IFFO2: variants seen among roughly 807,000 people sequenced by gnomAD.
IFFO2 encodes intermediate filament family orphan 2.
In IFFO2, 19 loss-of-function variants were observed where a neutral mutation model predicts 53.5. The observed-to-expected ratio is 0.36, with a 90% CI of 0.25 to 0.52. IFFO2 has a LOEUF of 0.52. Among genes scored for constraint, IFFO2 ranks in the 20% least tolerant of loss-of-function variants. The pLI is 0.94. For synonymous variants in IFFO2, 303 were observed against 313.6 expected (o/e 0.97, Z 0.36); for missense variants, 570 against 727.4 (o/e 0.78, Z 2.49).
At chr1:18,938,773 A>G (rs1368666942) in intron 1 of IFFO2, among the ~76,000 whole-genome samples, 1 of 52,198 alleles carries the variant, frequency 1.9e-5, no homozygotes, top group Non-Finnish European at 4.0e-5. Context: ...GCCCCTCCCA[A>G]CTGGCCTGGC....
Position 18,919,663 on chromosome 1 carries a change from G to C in IFFO2, c.822+15C>G, listed in dbSNP as rs577047463. On this transcript the variant is annotated intron_variant, in intron 3 of 8. Transcript: ENST00000455833. This position sits in a 1 kb window ranked among gnomAD's most constrained non-coding sequence, Gnocchi z 4.9. ...GGGGAGGTCATGACACCCAGGGGCG[G>C]CGGGCGGCACTTACGTCACTCATAA... 6.5e-7 allele frequency: 1 copy of C among 1,539,292 alleles called. No individual in the cohort carries two copies. The highest frequency in any genetic ancestry group is 2.4e-5 in the East Asian group (1 of 40,852).
At chr1:18,911,315 T>A in intron 7 of IFFO2, 69 bp downstream of exon 7, 1 of 775,500 alleles carries the variant, frequency 1.3e-6, no homozygotes. Context: ...GGGTGTTTGA[T>A]CGCCAGGATC....
intron 1 of IFFO2, among the ~76,000 whole-genome samples, chr1:18,951,046 T>C (rs1936653752): frequency 6.6e-6 from 1 of 152,204 alleles, no homozygotes; most frequent in Non-Finnish European, 1.5e-5. Flanking sequence ...TCTGTCCAGC[T>C]CAGCACTGAG....
intron 1 of IFFO2, among the ~76,000 whole-genome samples, chr1:18,921,444 C>T (rs1486971904): frequency 1.3e-5 from 2 of 152,250 alleles, no homozygotes; most frequent in Non-Finnish European, 2.9e-5. Flanking sequence ...TGTGCAAGCA[C>T]TGCTGCTCCT....
chr1:18,955,555 G>T, intron 1 of IFFO2, 113 bp downstream of exon 1: 1 of 1,386,916 alleles, frequency 7.2e-7, no homozygotes, highest in Non-Finnish European at 9.4e-7. Context: ...ACAGCTTCCA[G>T]CCCACCTGCC....
intron 1 of IFFO2, among the ~76,000 whole-genome samples, chr1:18,948,185 T>C (rs2024728): frequency 0.79 from 120,564 of 152,220 alleles, 48,876 homozygotes; most frequent in East Asian, 0.94. Context: ...TATTTTCAAA[T>C]CCTTTTGCAA....
chr1:18,940,111 G>C (rs114151258), intron 1 of IFFO2, among the ~76,000 whole-genome samples: 1,601 of 152,328 alleles, frequency 0.011, 34 homozygotes, highest in African/African-American at 0.036. Flanking sequence ...CTTGGCCCCA[G>C]TCTGGGGCCT....
chr1:18,911,678 AC>A (rs1367385689), intron 6 of IFFO2, among the ~76,000 whole-genome samples: 1 of 152,070 alleles, frequency 6.6e-6, no homozygotes, highest in Non-Finnish European at 1.5e-5. Flanking sequence ...AGCTGGGATT[AC>A]AGGTGCCCAC....
chr1:18,935,298 ACTT>A (rs1202990736), intron 1 of IFFO2, among the ~76,000 whole-genome samples: 1 of 152,164 alleles, frequency 6.6e-6, no homozygotes, highest in African/African-American at 2.4e-5. Flanking sequence ...TGGGCCAGAC[ACTT>A]CTTCTCCAAA....
rs765222967 is a variant in IFFO2, at chr1:18,928,391, A to C, written c.666-7270T>G. On this transcript the variant is annotated intron_variant, in intron 1 of 8. Coordinates refer to ENST00000455833, the MANE Select transcript of IFFO2 (RefSeq NM_001136265.2). The surrounding 1 kb of genome is among the most constrained non-coding windows in gnomAD (Gnocchi z 4.9). ...GTCTCCACGGAGGAGGTATTAATTT[A>C]ATGTGAACACTTAACCAGGGCAGCC... Among the ~76,000 whole-genome samples, 1 of 152,236 alleles carries C rather than the reference A, an allele frequency of 6.6e-6. No individual in the cohort carries two copies. The highest frequency in any genetic ancestry group is 1.5e-5 in the Non-Finnish European group (1 of 68,044).
In IFFO2 at chr1:18,916,768, G is replaced by A; in HGVS notation, c.1103+135C>T. ...AGCCTGGGTGACAAAGTGAGACCCT[G>A]TCTCAAAAAAAAAAAGGAAATGAAT... On this transcript the variant is annotated intron_variant, in intron 5 of 8. Coordinates refer to ENST00000455833, the MANE Select transcript of IFFO2 (RefSeq NM_001136265.2). This position sits in a 1 kb window ranked among gnomAD's most constrained non-coding sequence, Gnocchi z 4.3. The A allele has an allele frequency of 1.6e-5, 18 of 1,151,290 alleles. No homozygotes were observed. Among genetic ancestry groups the A allele is most frequent in the East Asian group, 2.6e-5 (1 of 38,072 alleles). The allele number at this position is 1,151,290 out of a possible 1,614,324, so 71.3% of individuals were successfully genotyped here.
In IFFO2 at chr1:18,918,317, T is replaced by C; in HGVS notation, c.963+45A>G. 6.5e-7 allele frequency: 1 copy of C among 1,537,928 alleles called. No homozygotes were observed. Among genetic ancestry groups the C allele is most frequent in the Non-Finnish European group, 8.8e-7 (1 of 1,136,022 alleles). On this transcript the variant is annotated intron_variant, in intron 4 of 8. Coordinates refer to ENST00000455833, the MANE Select transcript of IFFO2 (RefSeq NM_001136265.2). This position sits in a 1 kb window ranked among gnomAD's most constrained non-coding sequence, Gnocchi z 5.2. ...GCAGGGGTGGAGGCCAGGGCTGCTCTGGGAGAGTGGGGGGTTGGCTGGTGA... is the reference window on the plus strand; with the variant it reads ...GCAGGGGTGGAGGCCAGGGCTGCTCCGGGAGAGTGGGGGGTTGGCTGGTGA...
At chr1:18,954,475 G>A (rs778342050) in intron 1 of IFFO2, among the ~76,000 whole-genome samples, 6 of 152,196 alleles carry the variant, frequency 3.9e-5, no homozygotes, top group Non-Finnish European at 8.8e-5. Flanking sequence ...CCAGCTCCCT[G>A]GACAGACCTT....
chr1:18,911,021 G>A (rs770542544), intron 7 of IFFO2, among the ~76,000 whole-genome samples: 4 of 152,238 alleles, frequency 2.6e-5, no homozygotes, highest in Non-Finnish European at 5.9e-5. Flanking sequence ...CTCCTCCTCT[G>A]TAAAAGGGGT....
intron 6 of IFFO2, 134 bp from the exon 7 acceptor site, chr1:18,911,610 C>T: frequency 2.5e-6 from 1 of 407,214 alleles, no homozygotes; most frequent in Non-Finnish European, 4.0e-6. Flanking sequence ...ATGATCTCGG[C>T]TCACTACAAC....
chr1:18,950,477 G>C (rs758972520), intron 1 of IFFO2, among the ~76,000 whole-genome samples: 2 of 152,176 alleles, frequency 1.3e-5, no homozygotes, highest in Non-Finnish European at 2.9e-5. Flanking sequence ...CTCTTTTACA[G>C]AGGACGAAGC....
intron 5 of IFFO2, among the ~76,000 whole-genome samples, chr1:18,914,841 G>C (rs1245607148): frequency 7.8e-6 from 1 of 128,180 alleles, no homozygotes; most frequent in Admixed American, 7.5e-5. Flanking sequence ...AAAAAAAAAA[G>C]CCCCTCTTGG....
chr1:18,919,812 G>C lies in IFFO2; in HGVS notation c.727-39C>G. ...GATGGGGAGGCTTCAGAGGGGCCGG[G>C]TCCTCTGGGGATAGGAGGGTCTGGA... On this transcript the variant is annotated intron_variant, in intron 2 of 8. Coordinates refer to ENST00000455833, the MANE Select transcript of IFFO2 (RefSeq NM_001136265.2). This position sits in a 1 kb window ranked among gnomAD's most constrained non-coding sequence, Gnocchi z 4.9. 7.1e-7 allele frequency: 1 copy of C among 1,400,778 alleles called. No homozygotes were observed. The highest frequency in any genetic ancestry group is 1.2e-5 in the South Asian group (1 of 80,992). The allele number at this position is 1,400,778 out of a possible 1,614,324, so 86.8% of individuals were successfully genotyped here. A position where few individuals can be genotyped will look rare whatever the true frequency, so the allele number is the denominator to read the frequency against.
Position 18,912,067 on chromosome 1 carries a change from A to G in IFFO2, c.1120T>C (p.Phe374Leu). 5 of 1,551,714 alleles carry G rather than the reference A, an allele frequency of 3.2e-6. No homozygotes were observed. Among genetic ancestry groups the G allele is most frequent in the Non-Finnish European group, 4.4e-6 (5 of 1,146,936 alleles). The stretch of plus-strand genomic sequence containing the variant: ...GTCAGGCTGTCACAGTCGTCGTCAA[A>G]GTCAAAGGTCTCCCGCCTGTGGGGG... ...MFNQLRETFD[F>L]DDDCDSLTWE... Residue 374 changes from phenylalanine to leucine, a missense_variant, in exon 6 of 9, where the codon TTT (phenylalanine) becomes CTT (leucine). Coordinates refer to ENST00000455833, the MANE Select transcript of IFFO2 (RefSeq NM_001136265.2).
Sources: allele counts gnomAD v4.1 joint callset (sites outside exome capture counted in the v4.1 genomes callset), GRCh38; gene constraint gnomAD v4.1.1; non-coding constraint Gnocchi (gnomAD v3.1); transcripts MANE v1.5; gene names NCBI Gene and HGNC (gene_info 2026-07-23, HGNC 2026-07-21).